ELMOD1: variants seen among roughly 807,000 people sequenced by gnomAD.
The protein encoded by ELMOD1 is ELMO domain containing 1.
Under a neutral mutation model 46.7 loss-of-function variants are expected in ELMOD1, and 21 were observed. The observed-to-expected ratio is 0.45, with a 90% confidence interval of 0.32 to 0.65. The LOEUF (loss-of-function observed/expected upper bound fraction) is 0.65, where lower values mean the gene tolerates loss of function less well. Among genes scored for constraint, ELMOD1 ranks in the 30% least tolerant of loss-of-function variants. The pLI, the probability that ELMOD1 is intolerant of heterozygous loss-of-function variation, is 0.04. For missense variants in ELMOD1, 348 were observed against 407.8 expected (o/e 0.85, Z 1.26); for synonymous variants, 122 against 138.2 (o/e 0.88, Z 0.82).
chr11:107,614,555 T>C (rs1189321550), intron 1 of ELMOD1, among the ~76,000 whole-genome samples: 1 of 152,120 alleles, frequency 6.6e-6, no homozygotes, highest in African/African-American at 2.4e-5. Flanking sequence ...GCCAGGATGG[T>C]CTCGATCTCC....
At position 107,665,078 on chromosome 11, in the gene ELMOD1, A is replaced by G; in HGVS notation, c.886A>G (p.Ile296Val). The G allele has an allele frequency of 6.2e-7, 1 of 1,614,002 alleles. No individual in the cohort carries two copies. Among genetic ancestry groups the G allele is most frequent in the East Asian group, 2.2e-5 (1 of 44,882 alleles). Residue 296 changes from isoleucine to valine, a missense_variant, in exon 12 of 12, where the codon ATA becomes GTA. Ile to Val is a conservative substitution (Grantham distance 29). Transcript: ENST00000265840. ...KFWIEEDPMD[I>V]MEFNRVREKF... The stretch of plus-strand genomic sequence containing the variant: ...TTGGATCGAAGAGGACCCCATGGAC[A>G]TAATGGAATTTAATCGTGTGAGGGA...
At chr11:107,626,408 T>C (rs1381483398) in intron 2 of ELMOD1, among the ~76,000 whole-genome samples, 5 of 133,994 alleles carry the variant, frequency 3.7e-5, no homozygotes, top group Non-Finnish European at 8.1e-5. Context: ...ATAAAACAAA[T>C]GAAATTAAAA....
chr11:107,620,167 G>A (rs1865924474), intron 2 of ELMOD1: 1 of 152,170 alleles, frequency 6.6e-6, no homozygotes, highest in Non-Finnish European at 1.5e-5. Flanking sequence ...AGAATGAGGA[G>A]CTGACTTTTC....
At chr11:107,616,631 G>A (rs547690991) in intron 1 of ELMOD1, among the ~76,000 whole-genome samples, 52 of 152,186 alleles carry the variant, frequency 3.4e-4, no homozygotes, top group African/African-American at 8.7e-4. Flanking sequence ...TGCCTGCCTC[G>A]GTTTCCCAAA....
intron 6 of ELMOD1, among the ~76,000 whole-genome samples, chr11:107,636,349 G>T (rs1031271778): frequency 1.3e-5 from 2 of 152,230 alleles, no homozygotes; most frequent in East Asian, 1.9e-4. Flanking sequence ...AGGATCTGAT[G>T]GTATATTAAG....
intron 1 of ELMOD1, among the ~76,000 whole-genome samples, chr11:107,601,331 C>CT (rs35139867): frequency 1.0e-4 from 15 of 145,612 alleles, no homozygotes; most frequent in Middle Eastern, 7.6e-3. Flanking sequence ...TTATTTATAG[C>CT]TTTTTTTTTG....
At chr11:107,653,433 A>C (rs1591135768) in intron 9 of ELMOD1, 1 of 152,290 alleles carries the variant, frequency 6.6e-6, no homozygotes, top group East Asian at 1.9e-4. Context: ...AAATTACAAA[A>C]CAAAGATGAA....
intron 2 of ELMOD1, among the ~76,000 whole-genome samples, chr11:107,624,352 T>TA (rs1565377970): frequency 1.3e-5 from 2 of 152,166 alleles, no homozygotes; most frequent in Non-Finnish European, 2.9e-5. Context: ...AACCTGATTT[T>TA]AAAAAATAAA....
chr11:107,596,856 A>G (rs1001731835), intron 1 of ELMOD1, among the ~76,000 whole-genome samples: 2 of 152,136 alleles, frequency 1.3e-5, no homozygotes, highest in Admixed American at 6.5e-5. Context: ...AATTTCCTCT[A>G]CTATTCCTTT....
intron 5 of ELMOD1, among the ~76,000 whole-genome samples, chr11:107,632,490 T>A (rs985627465): frequency 2.6e-5 from 4 of 152,190 alleles, no homozygotes; most frequent in Non-Finnish European, 5.9e-5. Context: ...GTCTATCTCT[T>A]GGAAGGATTT....
rs773619382 is a variant in ELMOD1, at chr11:107,635,786, C to T, written c.420+21C>T. ...TGAAGGTTAGTGCTTGAACACATTT[C>T]GGTTCTTCCTCTAAGTCAGCTGACA... On this transcript the variant is annotated intron_variant, in intron 6 of 11. Transcript: ENST00000265840. 23 of 1,603,490 alleles carry T rather than the reference C, an allele frequency of 1.4e-5. No homozygotes were observed. In the East Asian group the frequency reaches 2.9e-4, roughly 20 times the overall value.
chr11:107,655,592 A>C (rs905916805), intron 10 of ELMOD1, among the ~76,000 whole-genome samples: 4 of 16,722 alleles, frequency 2.4e-4, no homozygotes, highest in Non-Finnish European at 4.2e-4. Flanking sequence ...TTTTTTTGTA[A>C]AGTGAAAGCA....
In ELMOD1 at chr11:107,593,693, A is replaced by AATT. The variant is rs1370702769; in HGVS notation, c.-86+2285_-86+2286insTTA. Among the ~76,000 whole-genome samples, 32 of 152,356 alleles carry AATT rather than the reference A, an allele frequency of 2.1e-4. No homozygotes were observed. In the East Asian group the frequency reaches 5.0e-3, roughly 24 times the overall value. On this transcript the variant is annotated intron_variant, in intron 1 of 11. Transcript: ENST00000265840. ...GCCCAGTTAAATTTGAATTTCAGAT[A>AATT]AACAGTGAATTATTGTTTTTACCTA... is the stretch of plus-strand genomic sequence containing the variant.
intron 11 of ELMOD1, among the ~76,000 whole-genome samples, chr11:107,658,804 G>T (rs1489588950): frequency 4.6e-5 from 7 of 152,152 alleles, no homozygotes; most frequent in African/African-American, 9.7e-5. Flanking sequence ...GTGTGATGGC[G>T]CACGCCTGTA....
At position 107,595,707 on chromosome 11, in the gene ELMOD1, T is replaced by G. The variant is rs140991255; in HGVS notation, c.-86+4298T>G. 6.6e-5 allele frequency among the ~76,000 whole-genome samples: 10 copies of G among 152,234 alleles called. No homozygotes were observed. The East Asian group carries it at 1.9e-3, about 29-fold the overall frequency. ...CTTTCATCCTGGGAGCTTTTAACCT[T>G]CCAACTCACTTATGCTGACCATGAG... On this transcript the variant is annotated intron_variant, in intron 1 of 11. Coordinates refer to ENST00000265840, the MANE Select transcript of ELMOD1 (RefSeq NM_018712.4).
chr11:107,635,832 T>A (rs144076001), intron 6 of ELMOD1, 67 bp downstream of exon 6: 2 of 1,504,606 alleles, frequency 1.3e-6, no homozygotes, highest in Non-Finnish European at 1.8e-6. Flanking sequence ...ACCTGCTATG[T>A]GCTAGGCGCT....
chr11:107,610,635 C>T (rs542275510), intron 1 of ELMOD1, among the ~76,000 whole-genome samples: 6 of 150,518 alleles, frequency 4.0e-5, no homozygotes, highest in African/African-American at 1.5e-4. Context: ...TGCACTCCAC[C>T]CTGGGTGACA....
chr11:107,626,836 G>T (rs1866052608), intron 2 of ELMOD1, among the ~76,000 whole-genome samples: 1 of 152,150 alleles, frequency 6.6e-6, no homozygotes, highest in African/African-American at 2.4e-5. Context: ...CATAAACTTT[G>T]TGATTTAGGG....
chr11:107,648,561 T>C (rs2135707575), intron 7 of ELMOD1, among the ~76,000 whole-genome samples: 1 of 152,314 alleles, frequency 6.6e-6, no homozygotes, highest in East Asian at 1.9e-4. Context: ...ACTGAACCAA[T>C]TAATTAATTG....
Sources: gnomAD v4.1 joint callset for allele counts (sites outside exome capture counted in the v4.1 genomes callset) on GRCh38, gnomAD v4.1.1 for gene constraint, MANE v1.5 for transcripts, NCBI Gene and HGNC (gene_info 2026-07-23, HGNC 2026-07-21) for gene names.